CDYL2: variants seen among roughly 807,000 people sequenced by gnomAD.
The protein encoded by CDYL2 is chromodomain Y-like protein 2.
A neutral mutation model predicts 49.4 loss-of-function variants in CDYL2; 23 were observed. That is an observed-to-expected ratio of 0.47 (90% CI 0.34 to 0.66). The LOEUF (loss-of-function observed/expected upper bound fraction) is 0.66. Ranked by LOEUF, CDYL2 falls within the 30% of genes least tolerant of loss-of-function variation. The pLI is 0.01. For missense variants in CDYL2, 678 were observed against 656.4 expected, an observed-to-expected ratio of 1.03 and a Z score of -0.36; for synonymous variants, 360 against 268.8, an observed-to-expected ratio of 1.34 and a Z score of -3.32.
rs1454360711 is a variant in CDYL2, at chr16:80,707,518, T to A, written c.25-22389A>T. Among the ~76,000 whole-genome samples the A allele has an allele frequency of 2.6e-5, 4 of 152,138 alleles. No homozygotes were observed. The East Asian group carries it at 7.7e-4, about 29-fold the overall frequency. ...AAAACCTTGAACAAGACCATCCTTGTTCAAGATCCTTCCAGAGGGCTCCTT... is the reference window on the plus strand; with the variant it reads ...AAAACCTTGAACAAGACCATCCTTGATCAAGATCCTTCCAGAGGGCTCCTT... On this transcript the variant is annotated intron_variant, in intron 1 of 6. Coordinates refer to ENST00000570137, the MANE Select transcript of CDYL2 (RefSeq NM_152342.4).
intron 2 of CDYL2, among the ~76,000 whole-genome samples, chr16:80,669,970 T>C (rs1199983950): frequency 2.0e-5 from 3 of 152,146 alleles, no homozygotes; most frequent in Non-Finnish European, 4.4e-5. Flanking sequence ...CTCACCCGTC[T>C]CCATGCAGGA....
chr16:80,604,046 C>G lies in CDYL2; in HGVS notation c.*342G>C, dbSNP rs1283194671. On this transcript the variant is annotated 3_prime_UTR_variant, in exon 7 of 7. Coordinates refer to ENST00000570137, the MANE Select transcript of CDYL2 (RefSeq NM_152342.4). ...GGCACTGTGTAGACACAGCCTGAGT[C>G]AGAAGAATGTGAAAGTGGTCTTCCC... 3 of 291,854 alleles carry G rather than the reference C, an allele frequency of 1.0e-5. No individual in the cohort carries two copies. Among genetic ancestry groups the G allele is most frequent in the Non-Finnish European group, 1.3e-5 (2 of 151,720 alleles). The allele number at this position is 291,854 out of a possible 1,614,324, so 18.1% of individuals were successfully genotyped here.
Position 80,612,754 on chromosome 16 carries a change from T to C in CDYL2, c.1090A>G (p.Ile364Val), listed in dbSNP as rs1423459953. Residue 364 changes from isoleucine (I) to valine (V), a missense_variant, in exon 5 of 7, where the codon ATC (isoleucine) becomes GTC (valine). Transcript: ENST00000570137. The surrounding 1 kb of genome is among the most constrained non-coding windows in gnomAD (Gnocchi z 5.0). ...CACACGATGTCACAGAGGGGCAGGA[T>C]GGAGGCACCCAGGCCCAGGGCCGGC... is the stretch of plus-strand genomic sequence containing the variant. Reference protein sequence around the residue: ...NGPALGLGASILPLCDIVWAS... With the variant: ...NGPALGLGASVLPLCDIVWAS... 1.2e-6 allele frequency: 2 copies of C among 1,613,642 alleles called. No homozygotes were observed. Among genetic ancestry groups the C allele is most frequent in the Non-Finnish European group, 8.5e-7 (1 of 1,179,996 alleles).
chr16:80,627,028 T>A (rs935039598), intron 3 of CDYL2, among the ~76,000 whole-genome samples: 1 of 152,166 alleles, frequency 6.6e-6, no homozygotes, highest in Non-Finnish European at 1.5e-5. Flanking sequence ...TACTTTATAC[T>A]GTTGGATGAT....
intron 1 of CDYL2, among the ~76,000 whole-genome samples, chr16:80,716,021 A>C (rs1234093028): frequency 6.6e-6 from 1 of 152,258 alleles, no homozygotes; most frequent in Non-Finnish European, 1.5e-5. Flanking sequence ...TTTATGCCTC[A>C]GTTCCTCATG....
chr16:80,649,876 C>T (rs899696747), intron 2 of CDYL2, among the ~76,000 whole-genome samples: 1 of 152,114 alleles, frequency 6.6e-6, no homozygotes, highest in Non-Finnish European at 1.5e-5. Context: ...AAGATAGCTT[C>T]TTCAATAAAT....
chr16:80,682,064 C>T (rs561018011), intron 2 of CDYL2, among the ~76,000 whole-genome samples: 127 of 152,314 alleles, frequency 8.3e-4, no homozygotes, highest in Admixed American at 8.2e-3. Context: ...TCCTGGGCTC[C>T]ACCCTAGACT....
intron 4 of CDYL2, among the ~76,000 whole-genome samples, chr16:80,619,776 G>C (rs181063679): frequency 3.5e-4 from 54 of 152,304 alleles, no homozygotes; most frequent in South Asian, 8.3e-4. Context: ...CGGAGCAGGG[G>C]CTCCAATGGC....
intron 3 of CDYL2, among the ~76,000 whole-genome samples, chr16:80,624,706 A>G (rs927558845): frequency 6.6e-6 from 1 of 152,234 alleles, no homozygotes; most frequent in Non-Finnish European, 1.5e-5. Context: ...AAATAATCAC[A>G]GAGAGGAAAA....
intron 3 of CDYL2, chr16:80,627,549 C>G (rs1907358900): frequency 6.6e-6 from 1 of 152,160 alleles, no homozygotes; most frequent in Admixed American, 6.5e-5. Flanking sequence ...TCTTTTCTTT[C>G]CTTTTGGTGT....
chr16:80,633,136 A>G lies in CDYL2; in HGVS notation c.717T>C (p.Ser239=). 6.2e-7 allele frequency: 1 copy of G among 1,614,188 alleles called. No individual in the cohort carries two copies. Among genetic ancestry groups the G allele is most frequent in the Non-Finnish European group, 8.5e-7 (1 of 1,180,032 alleles). The change falls in exon 3 of 7, where the codon AGT becomes AGC. Residue 239 remains serine, a synonymous_variant. Coordinates refer to ENST00000570137, the MANE Select transcript of CDYL2 (RefSeq NM_152342.4). ...DYVFDKRLRY[S]VRQNESNCRF... is the part of the protein sequence containing the mutation. ...GACAGTTGCTTTCATTCTGGCGGAC[A>G]CTGTATCTGAGCCTTTTGTCAAAGA...
intron 1 of CDYL2, among the ~76,000 whole-genome samples, chr16:80,703,099 C>A (rs1904311988): frequency 6.6e-6 from 1 of 152,066 alleles, no homozygotes; most frequent in Non-Finnish European, 1.5e-5. Context: ...ACCCCATTAA[C>A]AGAATTATCT....
chr16:80,661,560 C>T lies in CDYL2; in HGVS notation c.616+22978G>A, dbSNP rs139244403. On this transcript the variant is annotated intron_variant, in intron 2 of 6. Transcript: ENST00000570137. ...AGGCCATGCCACTGGGAAGTGCCAG[C>T]ATGAGGGTCAAACTCCAGCATCTTG... is the stretch of plus-strand genomic sequence containing the variant. 3.4e-3 allele frequency among the ~76,000 whole-genome samples: 514 copies of T among 152,272 alleles called. 5 individuals are homozygous for T. The highest frequency in any genetic ancestry group is 0.012 in the African/African-American group (478 of 41,544).
chr16:80,749,817 CAA>C (rs1906068031), intron 1 of CDYL2, among the ~76,000 whole-genome samples: 1 of 152,028 alleles, frequency 6.6e-6, no homozygotes, highest in Non-Finnish European at 1.5e-5. Flanking sequence ...TTCACAATAG[CAA>C]AGACTTGGAA....
At chr16:80,668,353 G>A (rs769709564) in intron 2 of CDYL2, among the ~76,000 whole-genome samples, 9 of 152,144 alleles carry the variant, frequency 5.9e-5, no homozygotes, top group African/African-American at 1.9e-4. Context: ...ACAGATGACA[G>A]ACAGATATAT....
chr16:80,798,086 G>A (rs1232175852), intron 1 of CDYL2, among the ~76,000 whole-genome samples: 1 of 152,144 alleles, frequency 6.6e-6, no homozygotes, highest in Non-Finnish European at 1.5e-5. Flanking sequence ...TGTCACCCAG[G>A]CTGGAGTGCA....
intron 1 of CDYL2, among the ~76,000 whole-genome samples, chr16:80,699,227 T>C (rs1163927366): frequency 6.6e-6 from 1 of 152,200 alleles, no homozygotes; most frequent in East Asian, 1.9e-4. Context: ...TGCAGCACTA[T>C]TCATAATAGT....
At chr16:80,630,847 A>G (rs139678657) in intron 3 of CDYL2, among the ~76,000 whole-genome samples, 84 of 151,710 alleles carry the variant, frequency 5.5e-4, no homozygotes, top group Admixed American at 9.9e-4. Context: ...AGAGCACAGC[A>G]CCTCCCTCCC....
At position 80,599,914 on chromosome 16, in the gene CDYL2, A is replaced by G. The variant is rs766046920; in HGVS notation, c.*4474T>C. 1.3e-5 allele frequency: 2 copies of G among 152,178 alleles called. No individual in the cohort carries two copies. The highest frequency in any genetic ancestry group is 4.8e-5 in the African/African-American group (2 of 41,438). 9.4% of individuals were successfully genotyped at this position (152,178 alleles called of 1,614,324 possible). ...TCTGGTCCCTGCCGCCATCAACTCA[A>G]TCAAACTCTTCGGATTAGCCATGAA... On this transcript the variant is annotated 3_prime_UTR_variant, in exon 7 of 7. Transcript: ENST00000570137.
Sources: allele counts gnomAD v4.1 joint callset (sites outside exome capture counted in the v4.1 genomes callset), GRCh38; gene constraint gnomAD v4.1.1; non-coding constraint Gnocchi (gnomAD v3.1); transcripts MANE v1.5; gene names NCBI Gene and HGNC (gene_info 2026-07-23, HGNC 2026-07-21).